The following MYH15 variants were observed in gnomAD, a reference collection of about 807,000 sequenced individuals.
MYH15 encodes the protein myosin heavy chain 15.
In MYH15, 227 loss-of-function variants were observed where a neutral mutation model predicts 240.5. The ratio of observed to expected loss-of-function variants is 0.94; its 90% CI spans 0.85 to 1.05. MYH15 has a LOEUF of 1.05. MYH15 is among the 50% of genes least tolerant of loss of function. The probability of loss-of-function intolerance (pLI) is 0.00; values close to 1 mark genes in which losing one functional copy is unlikely to be tolerated. For synonymous variants in MYH15, 785 were observed against 796.7 expected, an observed-to-expected ratio of 0.99 and a Z score of 0.25; for missense variants, 2,217 against 2,247.5, an observed-to-expected ratio of 0.99 and a Z score of 0.27.
At chr3:108,450,496 C>A (rs2082963068) in intron 21 of MYH15, among the ~76,000 whole-genome samples, 1 of 152,092 alleles carries the variant, frequency 6.6e-6, no homozygotes. Flanking sequence ...TTAAAAAAGT[C>A]AAACTCACAG....
chr3:108,490,158 G>C (rs1294053871), intron 9 of MYH15, among the ~76,000 whole-genome samples: 1 of 152,174 alleles, frequency 6.6e-6, no homozygotes, highest in Non-Finnish European at 1.5e-5. Flanking sequence ...AAAAAATCCT[G>C]TTCCAGGTTG....
At chr3:108,502,570 T>C (rs576408686) in intron 2 of MYH15, among the ~76,000 whole-genome samples, 1 of 152,264 alleles carries the variant, frequency 6.6e-6, no homozygotes, top group South Asian at 2.1e-4. Context: ...ATCACAATGC[T>C]TGGGATATAA....
intron 16 of MYH15, among the ~76,000 whole-genome samples, chr3:108,462,489 C>T (rs767285290): frequency 4.6e-5 from 7 of 151,942 alleles, no homozygotes; most frequent in African/African-American, 1.2e-4. Flanking sequence ...TATAAATCTA[C>T]GACATGGCAA....
chr3:108,460,232 T>A, intron 17 of MYH15, 68 bp downstream of exon 17: 1 of 1,302,766 alleles, frequency 7.7e-7, no homozygotes, highest in African/African-American at 1.5e-5. Flanking sequence ...ATGTGAAATG[T>A]CAACTAAATA....
the MYH15 span, among the ~76,000 whole-genome samples, chr3:108,546,184 C>G: frequency 1.3e-5 from 2 of 152,140 alleles, no homozygotes; most frequent in African/African-American, 2.4e-5. Flanking sequence ...GGGTATTACA[C>G]AAATTAGTAT....
chr3:108,403,363 C>T (rs1342171278), intron 33 of MYH15, among the ~76,000 whole-genome samples: 1 of 152,162 alleles, frequency 6.6e-6, no homozygotes, highest in Non-Finnish European at 1.5e-5. Context: ...TCCTGGGCAC[C>T]TTCTGTTTCT....
intron 6 of MYH15, among the ~76,000 whole-genome samples, chr3:108,497,030 G>A (rs575255361): frequency 9.9e-5 from 15 of 151,180 alleles, no homozygotes; most frequent in South Asian, 4.2e-4. Context: ...GCACGGTGGC[G>A]GGCACCTGTA....
intron 37 of MYH15, among the ~76,000 whole-genome samples, chr3:108,389,672 G>T (rs891882927): frequency 6.6e-6 from 1 of 152,176 alleles, no homozygotes. Context: ...ATTAGCATAC[G>T]TTCTAATGAG....
At chr3:108,509,686 A>G (rs1332626206) in intron 1 of MYH15, among the ~76,000 whole-genome samples, 3 of 152,244 alleles carry the variant, frequency 2.0e-5, no homozygotes, top group Non-Finnish European at 4.4e-5. Flanking sequence ...AGGTAGCTTC[A>G]TGTTATATCA....
the MYH15 span, among the ~76,000 whole-genome samples, chr3:108,546,755 T>C: frequency 2.0e-5 from 3 of 152,204 alleles, no homozygotes; most frequent in Admixed American, 2.0e-4. Context: ...TTAAGAGTTA[T>C]ACCTCTTATT....
chr3:108,477,451 A>G (rs142575462), intron 11 of MYH15, among the ~76,000 whole-genome samples: 12 of 152,330 alleles, frequency 7.9e-5, no homozygotes, highest in Non-Finnish European at 1.3e-4. Flanking sequence ...ATACAGTTTA[A>G]AAGGTGAATA....
the MYH15 span, among the ~76,000 whole-genome samples, chr3:108,538,385 G>C: frequency 1.3e-5 from 2 of 152,208 alleles, no homozygotes; most frequent in Admixed American, 6.5e-5. Flanking sequence ...AATGAGACTA[G>C]AGGAGCTCAT....
chr3:108,398,637 C>G lies in MYH15; in HGVS notation c.5133G>C (p.Gln1711His). ...ATERINLFYT[Q>H]NTSLLSQKKK... Reference sequence around the variant, plus strand: ...AATAGGGAGAGTATATGGGCCCCACCTGGGTATAGAAAAGATTGATTCTTT... The same window carrying G: ...AATAGGGAGAGTATATGGGCCCCACGTGGGTATAGAAAAGATTGATTCTTT... The change falls in exon 35 of 41, where the codon CAG (glutamine) becomes CAC (histidine). Residue 1711 changes from glutamine (Q) to histidine (H), a missense_variant and splice_region_variant. Coordinates refer to ENST00000693548, the MANE Select transcript of MYH15 (RefSeq NM_014981.3). 8.1e-6 allele frequency: 13 copies of G among 1,612,714 alleles called. No individual in the cohort carries two copies. Among genetic ancestry groups the G allele is most frequent in the Non-Finnish European group, 1.1e-5 (13 of 1,180,024 alleles).
At chr3:108,388,527 G>A (rs1230112672) in intron 38 of MYH15, among the ~76,000 whole-genome samples, 1 of 152,046 alleles carries the variant, frequency 6.6e-6, no homozygotes, top group Non-Finnish European at 1.5e-5. Context: ...TTGAGTGTTT[G>A]CGCAACCAGA....
chr3:108,529,119 A>T, intron 1 of MYH15: 1 of 693,342 alleles, frequency 1.4e-6, no homozygotes, highest in Non-Finnish European at 2.3e-6. Flanking sequence ...CTCAGAAATT[A>T]CATCATAGCC....
At chr3:108,409,561 T>C (rs1166124284) in intron 31 of MYH15, among the ~76,000 whole-genome samples, 1 of 152,204 alleles carries the variant, frequency 6.6e-6, no homozygotes, top group Non-Finnish European at 1.5e-5. Flanking sequence ...CACGTCTCCA[T>C]CTAGTGCCTT....
chr3:108,388,701 G>A (rs987795646), intron 38 of MYH15, among the ~76,000 whole-genome samples: 2 of 152,210 alleles, frequency 1.3e-5, no homozygotes, highest in Non-Finnish European at 2.9e-5. Context: ...AACACTATGT[G>A]TGAAAAAATC....
chr3:108,510,125 G>C (rs1265073825), intron 1 of MYH15, among the ~76,000 whole-genome samples: 1 of 152,078 alleles, frequency 6.6e-6, no homozygotes. Context: ...GAGGTTTCTA[G>C]GAAAGGCTTT....
chr3:108,531,543 A>C (rs2083710321), upstream of MYH15, among the ~76,000 whole-genome samples: 3 of 152,210 alleles, frequency 2.0e-5, no homozygotes, highest in South Asian at 6.2e-4. Context: ...AAATATTATA[A>C]AAGTAAAGGC....
Sources: allele counts gnomAD v4.1 joint callset (sites outside exome capture counted in the v4.1 genomes callset), GRCh38; gene constraint gnomAD v4.1.1; transcripts MANE v1.5; gene names NCBI Gene and HGNC (gene_info 2026-07-23, HGNC 2026-07-21).